FMN2: variants seen among roughly 807,000 people sequenced by gnomAD.
FMN2 encodes formin 2, also known as formin-2.
In FMN2, 51 loss-of-function variants were observed where a neutral mutation model predicts 142.3. The observed-to-expected ratio is 0.36, with a 90% CI of 0.29 to 0.45. The LOEUF is 0.45. Ranked by LOEUF, FMN2 falls within the 20% of genes least tolerant of loss-of-function variation. The probability of loss-of-function intolerance (pLI) is 1.00; values close to 1 mark genes in which losing one functional copy is unlikely to be tolerated. For synonymous variants in FMN2, 882 were observed against 869.8 expected, an observed-to-expected ratio of 1.01 and a Z score of -0.25; for missense variants, 1,936 against 2,122.8, an observed-to-expected ratio of 0.91 and a Z score of 1.73.
chr1:240,443,920 T>G (rs1013810658), intron 16 of FMN2, among the ~76,000 whole-genome samples: 16 of 152,152 alleles, frequency 1.1e-4, no homozygotes, highest in Non-Finnish European at 2.1e-4. Context: ...TTGGCATGAC[T>G]GTCACCTAGC....
chr1:240,380,253 A>G (rs1283859903), intron 14 of FMN2, among the ~76,000 whole-genome samples: 4 of 152,170 alleles, frequency 2.6e-5, no homozygotes, highest in Non-Finnish European at 5.9e-5. Context: ...GTTTCAATGA[A>G]TTTTTTAAAT....
chr1:240,272,344 C>T (rs1012388901), intron 7 of FMN2, among the ~76,000 whole-genome samples: 3 of 149,944 alleles, frequency 2.0e-5, no homozygotes, highest in African/African-American at 7.3e-5. Flanking sequence ...GACCCTTGAA[C>T]TACTTTGTGT....
At chr1:240,448,488 C>T (rs150385094) in intron 16 of FMN2, among the ~76,000 whole-genome samples, 1 of 151,970 alleles carries the variant, frequency 6.6e-6, no homozygotes, top group African/African-American at 2.4e-5. Flanking sequence ...TACATAGGAC[C>T]TTTATTGCTA....
chr1:240,235,982 A>G (rs576918670), intron 6 of FMN2: 8 of 152,074 alleles, frequency 5.3e-5, no homozygotes, highest in Non-Finnish European at 7.4e-5. Flanking sequence ...ATTCATGTCT[A>G]TTGTATCATG....
In FMN2 at chr1:240,334,183, T is replaced by A; in HGVS notation, c.4719T>A (p.Phe1573Leu). 2 of 1,607,180 alleles carry A rather than the reference T, an allele frequency of 1.2e-6. No individual in the cohort carries two copies. Among genetic ancestry groups the A allele is most frequent in the Non-Finnish European group, 1.7e-6 (2 of 1,178,162 alleles). ...QDLFQASQMK[F>L]EDFQKDLRKL... The stretch of plus-strand genomic sequence containing the variant: ...TTTTTCAGGCCTCACAGATGAAGTT[T>A]GAAGATTTTCAAAAAGATCTCAGAA... The change falls in exon 13 of 18, where the codon TTT becomes TTA. Residue 1573 changes from phenylalanine (F) to leucine (L), a missense_variant. Physicochemically the swap from Phe to Leu is conservative, Grantham distance 22 (BLOSUM62 0). Transcript: ENST00000319653.
chr1:240,268,256 C>A (rs569873756), intron 7 of FMN2, among the ~76,000 whole-genome samples: 1 of 152,120 alleles, frequency 6.6e-6, no homozygotes, highest in Admixed American at 6.6e-5. Flanking sequence ...TGTAGTTTGG[C>A]TTTTATTTTT....
At position 240,203,879 on chromosome 1, in the gene FMN2, A is replaced by C. The variant is rs543756638; in HGVS notation, c.1987-2920A>C. On this transcript the variant is annotated intron_variant, in intron 4 of 17. Coordinates refer to ENST00000319653, the MANE Select transcript of FMN2 (RefSeq NM_020066.5). ...ATGGGCTACTTAAAAACTACATGGC[A>C]ATATAGTTTTTCCCCACAAAATACA... Among the ~76,000 whole-genome samples, 9 of 152,222 alleles carry C rather than the reference A, an allele frequency of 5.9e-5. No individual in the cohort carries two copies. The South Asian group carries it at 1.9e-3, about 32-fold the overall frequency.
chr1:240,272,011 T>A (rs1431011804), intron 7 of FMN2, among the ~76,000 whole-genome samples: 1 of 152,172 alleles, frequency 6.6e-6, no homozygotes, highest in Non-Finnish European at 1.5e-5. Flanking sequence ...ATACTTGGGG[T>A]TGTACCAAAG....
chr1:240,209,320 G>C (rs535018180), intron 5 of FMN2, among the ~76,000 whole-genome samples: 2 of 150,918 alleles, frequency 1.3e-5, no homozygotes, highest in African/African-American at 2.4e-5. Context: ...GTGCAGCCTC[G>C]GCCCACTGCA....
rs1359634046 is a variant in FMN2, at chr1:240,211,127, A to G, written c.3957A>G (p.Glu1319=). ...SSTSLIWEKI[E]EPSIDCHEFE... ...CTTCACTTATTTGGGAAAAAATTGA[A>G]GAGCCATCCATAGATTGTCATGAAT... The change falls in exon 6 of 18, where the codon GAA becomes GAG. Residue 1319 remains glutamate (E), a synonymous_variant. Coordinates refer to ENST00000319653, the MANE Select transcript of FMN2 (RefSeq NM_020066.5). 1 of 1,613,058 alleles carries G rather than the reference A, an allele frequency of 6.2e-7. No homozygotes were observed. The highest frequency in any genetic ancestry group is 8.5e-7 in the Non-Finnish European group (1 of 1,179,814).
chr1:240,401,767 A>G (rs1413930983), intron 15 of FMN2, among the ~76,000 whole-genome samples: 1 of 152,226 alleles, frequency 6.6e-6, no homozygotes. Context: ...GCAATTTGGC[A>G]TTCCATATGC....
chr1:240,459,453 C>T (rs938001433), intron 16 of FMN2: 4 of 152,254 alleles, frequency 2.6e-5, no homozygotes, highest in African/African-American at 9.7e-5. Flanking sequence ...GGCGCAGTGG[C>T]TCACGCCTGT....
chr1:240,290,516 C>T (rs1384571717), intron 7 of FMN2, among the ~76,000 whole-genome samples: 4 of 152,068 alleles, frequency 2.6e-5, no homozygotes, highest in African/African-American at 7.2e-5. Flanking sequence ...TTAATCACAC[C>T]CATTATTCCA....
chr1:240,130,185 T>C (rs927850636), intron 2 of FMN2, among the ~76,000 whole-genome samples: 1 of 152,232 alleles, frequency 6.6e-6, no homozygotes, highest in Admixed American at 6.5e-5. Flanking sequence ...AATATTGCAC[T>C]GCAGAGGCAG....
chr1:240,434,889 A>G (rs1343326925), intron 15 of FMN2, among the ~76,000 whole-genome samples: 1 of 151,292 alleles, frequency 6.6e-6, no homozygotes, highest in Non-Finnish European at 1.5e-5. Context: ...ACTTTCTTTC[A>G]GGGAGTACTA....
At chr1:240,318,116 C>T (rs1670852189) in intron 8 of FMN2, among the ~76,000 whole-genome samples, 1 of 152,196 alleles carries the variant, frequency 6.6e-6, no homozygotes, top group South Asian at 2.1e-4. Context: ...CTCAGATCAC[C>T]TCTTTCTTCC....
At chr1:240,313,099 G>A (rs1005752900) in intron 8 of FMN2, among the ~76,000 whole-genome samples, 3 of 152,112 alleles carry the variant, frequency 2.0e-5, no homozygotes, top group Non-Finnish European at 4.4e-5. Context: ...TTGCTTTTTA[G>A]ATGACCAGTT....
chr1:240,278,373 T>C (rs923232997), intron 7 of FMN2, among the ~76,000 whole-genome samples: 3 of 152,184 alleles, frequency 2.0e-5, no homozygotes, highest in Non-Finnish European at 4.4e-5. Context: ...TTCAGAATAC[T>C]TAGTGAAAGG....
At chr1:240,313,617 G>T (rs1206204288) in intron 8 of FMN2, among the ~76,000 whole-genome samples, 1 of 151,986 alleles carries the variant, frequency 6.6e-6, no homozygotes, top group East Asian at 1.9e-4. Context: ...GGACAGCTCT[G>T]TGTACCTTAA....
Sources: gnomAD v4.1 joint callset for allele counts (sites outside exome capture counted in the v4.1 genomes callset) on GRCh38, gnomAD v4.1.1 for gene constraint, MANE v1.5 for transcripts, NCBI Gene and HGNC (gene_info 2026-07-23, HGNC 2026-07-21) for gene names.